FAM161A: variants seen among roughly 807,000 people sequenced by gnomAD.
FAM161A encodes the protein FAM161 centrosomal protein A.
In FAM161A, 57 loss-of-function variants were observed where a neutral mutation model predicts 70.9. The ratio of observed to expected loss-of-function variants is 0.80; its 90% CI spans 0.65 to 1.00. FAM161A has a LOEUF of 1.00. Ranked by LOEUF, FAM161A falls within the 50% of genes least tolerant of loss-of-function variation. FAM161A has a pLI of 0.00. For missense variants in FAM161A, 880 were observed against 836.0 expected, an observed-to-expected ratio of 1.05 and a Z score of -0.65; for synonymous variants, 299 against 295.7, an observed-to-expected ratio of 1.01 and a Z score of -0.12.
Position 61,840,045 on chromosome 2 carries a change from G to T in FAM161A, c.959C>A (p.Ala320Asp), listed in dbSNP as rs1251726085. ...TATAAATTTAAATGGCTTTTGTGAG[G>T]CCAAAAGAGCTTCTTTGCTTTTCTC... ...LKEKSKEALL[A>D]SQKPFKFIAR... Residue 320 changes from alanine to aspartate, a missense_variant, in exon 3 of 7, where the codon GCC becomes GAC. Coordinates refer to ENST00000404929, the MANE Select transcript of FAM161A (RefSeq NM_001201543.2). The T allele has an allele frequency of 6.2e-7, 1 of 1,614,016 alleles. No homozygotes were observed. Among genetic ancestry groups the T allele is most frequent in the Admixed American group, 1.7e-5 (1 of 59,988 alleles).
At chr2:61,802,357 A>G in the FAM161A span, among the ~76,000 whole-genome samples, 30 of 152,228 alleles carry the variant, frequency 2.0e-4, no homozygotes, top group African/African-American at 7.0e-4. Flanking sequence ...CCCTCCCTCC[A>G]GTGATTTGGG....
At chr2:61,826,628 A>T (rs774262388) in intron 6 of FAM161A, 29 bp from the exon 7 acceptor site, 2 of 1,588,660 alleles carry the variant, frequency 1.3e-6, no homozygotes, top group East Asian at 4.5e-5. Context: ...CAATCTTTCA[A>T]AGGAAAAATG....
chr2:61,826,889 C>T (rs1672387683), intron 6 of FAM161A, among the ~76,000 whole-genome samples: 1 of 152,098 alleles, frequency 6.6e-6, no homozygotes, highest in South Asian at 2.1e-4. Flanking sequence ...ATCTGTTATT[C>T]TGCTTTAAAA....
the FAM161A span, among the ~76,000 whole-genome samples, chr2:61,814,167 A>G: frequency 1.4e-3 from 207 of 152,348 alleles, 2 homozygotes; most frequent in African/African-American, 4.9e-3. Flanking sequence ...GTCACCTACC[A>G]GTGAGAAAAT....
the FAM161A span, among the ~76,000 whole-genome samples, chr2:61,801,329 C>G: frequency 6.6e-6 from 1 of 151,358 alleles, no homozygotes; most frequent in African/African-American, 2.4e-5. Flanking sequence ...AACCCGGTCT[C>G]TACTAAAAAT....
intron 5 of FAM161A, among the ~76,000 whole-genome samples, chr2:61,835,322 T>C (rs1672731647): frequency 6.6e-6 from 1 of 152,226 alleles, no homozygotes; most frequent in Admixed American, 6.5e-5. Context: ...GACCTAAAAT[T>C]GACAAATTTC....
chr2:61,849,070 A>ATT (rs1558492992), intron 1 of FAM161A, among the ~76,000 whole-genome samples: 102 of 1,636 alleles, frequency 0.062, 45 homozygotes, highest in African/African-American at 0.25. Flanking sequence ...ATATATATAA[A>ATT]TATATATATT....
intron 1 of FAM161A, among the ~76,000 whole-genome samples, chr2:61,850,260 G>T (rs1673451608): frequency 6.6e-6 from 1 of 152,118 alleles, no homozygotes; most frequent in Non-Finnish European, 1.5e-5. Context: ...GCCGGGCGTG[G>T]TGGCACACGC....
chr2:61,851,691 C>T (rs2105107200), intron 1 of FAM161A, among the ~76,000 whole-genome samples: 1 of 152,064 alleles, frequency 6.6e-6, no homozygotes, highest in African/African-American at 2.4e-5. Flanking sequence ...GGACCAACAT[C>T]TCTGACTAAG....
At position 61,853,961 on chromosome 2, in the gene FAM161A, G is replaced by A. The variant is rs1348815152; in HGVS notation, c.81C>T (p.Val27=). 2 of 1,613,794 alleles carry A rather than the reference G, an allele frequency of 1.2e-6. No homozygotes were observed. The highest frequency in any genetic ancestry group is 1.7e-6 in the Non-Finnish European group (2 of 1,179,836). ...AGGGGTCTTCGCGTTCGTACTGGGCGACCCGCGCTCCAGTGATGGGATTTA... is the reference window on the plus strand; with the variant it reads ...AGGGGTCTTCGCGTTCGTACTGGGCAACCCGCGCTCCAGTGATGGGATTTA... The part of the protein sequence containing the change: ...TPVNPITGAR[V]AQYEREDPLK... Residue 27 remains valine (V), a synonymous_variant, in exon 1 of 7, where the codon GTC becomes GTT. Coordinates refer to ENST00000404929, the MANE Select transcript of FAM161A (RefSeq NM_001201543.2).
chr2:61,801,824 G>A, the FAM161A span, among the ~76,000 whole-genome samples: 26 of 152,042 alleles, frequency 1.7e-4, no homozygotes, highest in Admixed American at 2.6e-4. Context: ...GCCTCCCAAA[G>A]TGCTGGGATT....
At chr2:61,832,006 G>A (rs1672591723) in intron 5 of FAM161A, among the ~76,000 whole-genome samples, 3 of 152,038 alleles carry the variant, frequency 2.0e-5, no homozygotes, top group Admixed American at 1.3e-4. Context: ...CACTTTGGAA[G>A]GCCGAGAAAG....
rs745524377 is a variant in FAM161A at position 61,826,411 on chromosome 2, C to A, written c.*44G>T. On this transcript the variant is annotated 3_prime_UTR_variant, in exon 7 of 7. Transcript: ENST00000404929. ...ACAAATGCGGCTGCTGACACCCTGACGCTGCAAACAACAGCAAGGGCATAG... is the reference window on the plus strand; with the variant it reads ...ACAAATGCGGCTGCTGACACCCTGAAGCTGCAAACAACAGCAAGGGCATAG... 1.2e-6 allele frequency: 2 copies of A among 1,606,128 alleles called. No homozygotes were observed. Among genetic ancestry groups the A allele is most frequent in the Non-Finnish European group, 8.5e-7 (1 of 1,174,860 alleles).
At chr2:61,826,742 A>G (rs201436856) in intron 6 of FAM161A, 143 bp from the exon 7 acceptor site, 69 of 544,836 alleles carry the variant, frequency 1.3e-4, no homozygotes, top group South Asian at 4.1e-4. Flanking sequence ...CTCAAAAAAA[A>G]GAAGAAAACG....
chr2:61,847,836 G>T (rs956228896), intron 1 of FAM161A, among the ~76,000 whole-genome samples: 4 of 152,082 alleles, frequency 2.6e-5, no homozygotes, highest in Non-Finnish European at 5.9e-5. Flanking sequence ...TGTGTCCCCA[G>T]TGTCTAGAAA....
intron 1 of FAM161A, among the ~76,000 whole-genome samples, chr2:61,847,622 A>T (rs970181763): frequency 3.9e-5 from 6 of 152,044 alleles, no homozygotes; most frequent in Non-Finnish European, 7.4e-5. Flanking sequence ...AATACAAAAA[A>T]TTAGCTTGGT....
At chr2:61,814,344 A>G in the FAM161A span, among the ~76,000 whole-genome samples, 1 of 152,186 alleles carries the variant, frequency 6.6e-6, no homozygotes, top group South Asian at 2.1e-4. Flanking sequence ...CTCCTGAACT[A>G]CAGAATGCCT....
the FAM161A span, among the ~76,000 whole-genome samples, chr2:61,805,464 C>G: frequency 4.6e-5 from 7 of 152,100 alleles, no homozygotes; most frequent in Admixed American, 4.6e-4. Context: ...TGCAGTGAGC[C>G]AAGATCATGC....
At position 61,840,063 on chromosome 2, in the gene FAM161A, C is replaced by T. The variant is rs772594223; in HGVS notation, c.941G>A (p.Ser314Asn). 8 of 1,614,182 alleles carry T rather than the reference C, an allele frequency of 5.0e-6. No homozygotes were observed. The South Asian group carries it at 8.8e-5, about 18-fold the overall frequency. The change falls in exon 3 of 7, where the codon AGC (serine) becomes AAC (asparagine). Residue 314 changes from serine (S) to asparagine (N), a missense_variant. Physicochemically the swap from Ser to Asn is conservative, Grantham distance 46. Coordinates refer to ENST00000404929, the MANE Select transcript of FAM161A (RefSeq NM_001201543.2). Reference sequence around the variant, plus strand: ...TTGTGAGGCCAAAAGAGCTTCTTTGCTTTTCTCCTTCAGAGACCTTCTCCG... The same window carrying T: ...TTGTGAGGCCAAAAGAGCTTCTTTGTTTTTCTCCTTCAGAGACCTTCTCCG... ...EERRRSLKEK[S>N]KEALLASQKP...
Sources: allele counts gnomAD v4.1 joint callset (sites outside exome capture counted in the v4.1 genomes callset), GRCh38; gene constraint gnomAD v4.1.1; transcripts MANE v1.5; gene names NCBI Gene and HGNC (gene_info 2026-07-23, HGNC 2026-07-21).